LRRC9: variants seen among roughly 807,000 people sequenced by gnomAD.
LRRC9 encodes the protein leucine-rich repeat-containing protein 9.
Under a neutral mutation model 63.2 loss-of-function variants are expected in LRRC9, and 122 were observed. That is an observed-to-expected ratio of 1.93 (90% CI 1.67 to 2.24). LRRC9 has a LOEUF of 2.24. LRRC9 is among the 30% of genes most tolerant of loss of function. The pLI is 0.00. For missense variants in LRRC9, 1,071 were observed against 627.7 expected (o/e 1.71, Z -7.55); for synonymous variants, 366 against 213.1 (o/e 1.72, Z -6.25).
chr14:59,940,690 A>G (rs1445170790), intron 7 of LRRC9, among the ~76,000 whole-genome samples: 1 of 152,136 alleles, frequency 6.6e-6, no homozygotes, highest in Non-Finnish European at 1.5e-5. Flanking sequence ...GTTAATGTAC[A>G]TAAAAGCCCA....
chr14:60,065,150 G>A (rs1397911725), downstream of LRRC9, among the ~76,000 whole-genome samples: 1 of 152,108 alleles, frequency 6.6e-6, no homozygotes, highest in East Asian at 1.9e-4. Context: ...GGGAGGCCAA[G>A]GCAGGCAGAT....
At chr14:59,953,138 T>G (rs562400010) in intron 8 of LRRC9, among the ~76,000 whole-genome samples, 1 of 152,272 alleles carries the variant, frequency 6.6e-6, no homozygotes, top group Non-Finnish European at 1.5e-5. Flanking sequence ...TGTGTCTTTA[T>G]AGTAGAATGA....
At chr14:60,011,139 G>C (rs1466796390) in intron 23 of LRRC9, among the ~76,000 whole-genome samples, 1 of 152,174 alleles carries the variant, frequency 6.6e-6, no homozygotes, top group Non-Finnish European at 1.5e-5. Flanking sequence ...ATAAAGGAAA[G>C]AAGTTTAATG....
chr14:60,039,692 T>A (rs969999169), intron 29 of LRRC9, among the ~76,000 whole-genome samples: 4 of 152,202 alleles, frequency 2.6e-5, no homozygotes, highest in African/African-American at 7.2e-5. Context: ...CTATCAGTTT[T>A]GTTGATCTTT....
intron 9 of LRRC9, 112 bp downstream of exon 9, chr14:59,960,126 A>G (rs143133811): frequency 1.3e-5 from 7 of 522,694 alleles, no homozygotes; most frequent in Non-Finnish European, 2.0e-5. Flanking sequence ...CAATTACAGT[A>G]TGAAGTAAAG....
At chr14:60,061,677 A>AT (rs1894666160) in intron 31 of LRRC9, among the ~76,000 whole-genome samples, 2 of 152,074 alleles carry the variant, frequency 1.3e-5, no homozygotes, top group Non-Finnish European at 1.5e-5. Flanking sequence ...TCTCTTTCCT[A>AT]TTTTTTGACT....
intron 8 of LRRC9, among the ~76,000 whole-genome samples, chr14:59,947,253 G>T (rs973079295): frequency 6.8e-6 from 1 of 146,758 alleles, no homozygotes; most frequent in African/African-American, 2.5e-5. Context: ...TTCTCTGATG[G>T]CCAGTGATGA....
chr14:59,943,282 T>C (rs1360729191), intron 7 of LRRC9, among the ~76,000 whole-genome samples: 1 of 152,166 alleles, frequency 6.6e-6, no homozygotes, highest in Non-Finnish European at 1.5e-5. Context: ...TTTTATGGTT[T>C]CAAGTTTTAC....
At chr14:60,065,344 A>T (rs960123618), downstream of LRRC9, among the ~76,000 whole-genome samples, 4 of 151,650 alleles carry the variant, frequency 2.6e-5, no homozygotes, top group Non-Finnish European at 5.9e-5. Flanking sequence ...TAAATTTCTG[A>T]GTAGCTGGAA....
rs1331332317 is a variant in LRRC9, at chr14:59,938,940, C to T, written c.726+368C>T. Among the ~76,000 whole-genome samples, 63 of 109,298 alleles carry T rather than the reference C, an allele frequency of 5.8e-4. No individual in the cohort carries two copies. The highest frequency in any genetic ancestry group is 2.2e-3 in the African/African-American group (59 of 27,344). 71.7% of individuals were successfully genotyped at this position (109,298 alleles called of 152,430 possible). A position where few individuals can be genotyped will look rare whatever the true frequency, so the allele number is the denominator to read the frequency against. Reference sequence around the variant, plus strand: ...ATATGCATATATATACACATATATACATATACATACATATATACACACATA... The same window carrying T: ...ATATGCATATATATACACATATATATATATACATACATATATACACACATA... On this transcript the variant is annotated intron_variant, in intron 7 of 31. Transcript: ENST00000445360. This position sits in a 1 kb window ranked among gnomAD's most constrained non-coding sequence, Gnocchi z 4.2.
In LRRC9 at chr14:60,060,256, T is replaced by C. The variant is rs1328528469; in HGVS notation, c.4276+2234T>C. ...TTGAGACCCAGTGCTGAGAAACAGA[T>C]TGCTTTCCAAAGACTACTGCTCACT... On this transcript the variant is annotated intron_variant, in intron 31 of 31. Coordinates refer to ENST00000445360, the Ensembl canonical transcript of LRRC9. The surrounding 1 kb of genome is among the most constrained non-coding windows in gnomAD (Gnocchi z 4.0). Among the ~76,000 whole-genome samples the C allele has an allele frequency of 1.3e-5, 2 of 152,170 alleles. No homozygotes were observed. The highest frequency in any genetic ancestry group is 6.5e-5 in the Admixed American group (1 of 15,274).
intron 17 of LRRC9, among the ~76,000 whole-genome samples, chr14:59,995,925 T>C (rs772537156): frequency 6.6e-6 from 1 of 152,036 alleles, no homozygotes; most frequent in Non-Finnish European, 1.5e-5. Context: ...GTATTTTTCG[T>C]AGAGATGGGG....
At chr14:60,065,320 A>AT (rs1304609161), downstream of LRRC9, among the ~76,000 whole-genome samples, 7 of 150,868 alleles carry the variant, frequency 4.6e-5, no homozygotes, top group Middle Eastern at 3.4e-3. Flanking sequence ...TCAAAAAAAA[A>AT]TTTTTTTTTC....
chr14:60,009,303 T>A (rs139805746), intron 23 of LRRC9, among the ~76,000 whole-genome samples: 9,428 of 152,274 alleles, frequency 0.062, 413 homozygotes, highest in Non-Finnish European at 0.093. Flanking sequence ...GACTCACAGT[T>A]CCACATGGCT....
intron 21 of LRRC9, 71 bp from the exon 22 acceptor site, chr14:60,006,326 C>A: frequency 1.7e-6 from 1 of 605,462 alleles, no homozygotes; most frequent in Non-Finnish European, 2.9e-6. Context: ...ATAAAATGAC[C>A]AGCCACTTAT....
At chr14:60,038,916 C>A (rs1892689241) in intron 29 of LRRC9, among the ~76,000 whole-genome samples, 1 of 152,112 alleles carries the variant, frequency 6.6e-6, no homozygotes, top group Non-Finnish European at 1.5e-5. Flanking sequence ...TCATAAATAG[C>A]TCTTATTATT....
intron 12 of LRRC9, among the ~76,000 whole-genome samples, chr14:59,974,306 T>C (rs905042973): frequency 1.3e-5 from 2 of 152,126 alleles, no homozygotes; most frequent in African/African-American, 4.8e-5. Context: ...CTGCTCCACA[T>C]AGTATTATCA....
rs45545035 is a variant in LRRC9 at position 60,057,997 on chromosome 14, C to T, written c.4251C>T (p.Asp1417=). The stretch of plus-strand genomic sequence containing the variant: ...GATTCAGCCATTACTTGGGATCTGA[C>T]GTCACTTTAACTCCTGAAGTTGAAG... The change falls in exon 31 of 32, where the codon GAC becomes GAT. Residue 1417 remains aspartate, a synonymous_variant. Coordinates refer to ENST00000445360, the Ensembl canonical transcript of LRRC9. 7.0e-3 allele frequency: 4,592 copies of T among 653,748 alleles called. 29 individuals are homozygous for T. The highest frequency in any genetic ancestry group is 0.026 in the Middle Eastern group (109 of 4,174). The allele number at this position is 653,748 out of a possible 1,614,324, so 40.5% of individuals were successfully genotyped here. A position where few individuals can be genotyped will look rare whatever the true frequency, so the allele number is the denominator to read the frequency against.
At chr14:59,955,954 T>C (rs926741236) in intron 8 of LRRC9, among the ~76,000 whole-genome samples, 1 of 152,202 alleles carries the variant, frequency 6.6e-6, no homozygotes, top group African/African-American at 2.4e-5. Context: ...GGGTTTTAAG[T>C]GAGTTACTTA....
Sources: allele counts gnomAD v4.1 joint callset (sites outside exome capture counted in the v4.1 genomes callset), GRCh38; gene constraint gnomAD v4.1.1; non-coding constraint Gnocchi (gnomAD v3.1); transcripts MANE v1.5; gene names NCBI Gene and HGNC (gene_info 2026-07-23, HGNC 2026-07-21).